The following KCNH1 variants were observed in gnomAD, a reference collection of about 807,000 sequenced individuals.
The protein encoded by KCNH1 is potassium voltage-gated channel subfamily H member 1, also known as voltage-gated delayed rectifier potassium channel KCNH1.
Under a neutral mutation model 69.2 loss-of-function variants are expected in KCNH1, and 27 were observed. The ratio of observed to expected loss-of-function variants is 0.39; its 90% CI spans 0.29 to 0.54. The LOEUF (loss-of-function observed/expected upper bound fraction) is 0.54. KCNH1 is among the 20% of genes least tolerant of loss of function. KCNH1 has a pLI of 0.68. For missense variants in KCNH1, 798 were observed against 1,261.6 expected (o/e 0.63, Z 5.57); for synonymous variants, 456 against 487.7 (o/e 0.93, Z 0.86).
intron 7 of KCNH1, among the ~76,000 whole-genome samples, chr1:210,874,764 C>A (rs1436059784): frequency 6.6e-6 from 1 of 152,060 alleles, no homozygotes; most frequent in Non-Finnish European, 1.5e-5. Context: ...TGCCAAAGAT[C>A]ATAGTGTTTA....
At chr1:211,009,956 A>T (rs755338602) in intron 6 of KCNH1, among the ~76,000 whole-genome samples, 9 of 152,188 alleles carry the variant, frequency 5.9e-5, no homozygotes, top group Non-Finnish European at 7.3e-5. Flanking sequence ...AAGAAGCAAG[A>T]GGATCAGGGG....
intron 6 of KCNH1, among the ~76,000 whole-genome samples, chr1:211,007,759 G>T (rs1689312370): frequency 6.6e-6 from 1 of 152,132 alleles, no homozygotes; most frequent in Non-Finnish European, 1.5e-5. Flanking sequence ...ATGTGCCATT[G>T]CCTACATTTA....
chr1:211,072,969 T>C (rs1339936518), intron 5 of KCNH1, among the ~76,000 whole-genome samples: 1 of 152,192 alleles, frequency 6.6e-6, no homozygotes, highest in Admixed American at 6.5e-5. Context: ...CAACTATATG[T>C]CGTCTACAGA....
At chr1:210,687,471 C>A (rs2149003135) in intron 10 of KCNH1, among the ~76,000 whole-genome samples, 1 of 152,322 alleles carries the variant, frequency 6.6e-6, no homozygotes, top group Non-Finnish European at 1.5e-5. Flanking sequence ...CCTCCATCAT[C>A]CTGTGTGCTA....
chr1:211,101,635 T>C (rs1346058255), intron 3 of KCNH1, among the ~76,000 whole-genome samples: 1 of 152,154 alleles, frequency 6.6e-6, no homozygotes, highest in Non-Finnish European at 1.5e-5. Context: ...TGGTTTCCAC[T>C]TCCCCCTAAG....
chr1:211,023,223 T>C lies in KCNH1; in HGVS notation c.559-3967A>G, dbSNP rs1689622837. ...TTATTACATACTTTTGTTGGGGATG[T>C]AAATTAATATAGCAGTTATGCAAAA... On this transcript the variant is annotated intron_variant, in intron 5 of 10. Coordinates refer to ENST00000271751, the MANE Select transcript of KCNH1 (RefSeq NM_172362.3). Among the ~76,000 whole-genome samples, 3 of 151,788 alleles carry C rather than the reference T, an allele frequency of 2.0e-5. No individual in the cohort carries two copies. In the South Asian group the frequency reaches 6.2e-4, roughly 31 times the overall value.
At chr1:211,014,435 GAATGACGCA>G (rs1396523468) in intron 6 of KCNH1, among the ~76,000 whole-genome samples, 1 of 152,176 alleles carries the variant, frequency 6.6e-6, no homozygotes, top group Non-Finnish European at 1.5e-5. Context: ...ACAGACCGGA[GAATGACGCA>G]AATGTAGCCC....
rs192816245 is a variant in KCNH1 at position 210,875,814 on chromosome 1, A to T, written c.1462+43826T>A. Among the ~76,000 whole-genome samples, 353 of 152,224 alleles carry T rather than the reference A, an allele frequency of 2.3e-3. 1 individual carries two copies. Among genetic ancestry groups the T allele is most frequent in the African/African-American group, 4.5e-3 (185 of 41,552 alleles). ...CAAGACACTTTCTCAAAAAAAAAAA[A>T]AAATAAATCAATAGCATTACTCTGA... is the stretch of plus-strand genomic sequence containing the variant. On this transcript the variant is annotated intron_variant, in intron 7 of 10. Transcript: ENST00000271751.
intron 6 of KCNH1, among the ~76,000 whole-genome samples, chr1:210,926,619 A>T (rs141182420): frequency 6.6e-6 from 1 of 152,142 alleles, no homozygotes; most frequent in African/African-American, 2.4e-5. Context: ...ATGAGAAGGA[A>T]CCAGAAAAAC....
At chr1:211,129,804 T>C (rs2102505036) in intron 1 of KCNH1, among the ~76,000 whole-genome samples, 1 of 152,318 alleles carries the variant, frequency 6.6e-6, no homozygotes, top group African/African-American at 2.4e-5. Flanking sequence ...CTGAACCAAC[T>C]TAACACTATA....
chr1:210,940,524 C>G, intron 6 of KCNH1, among the ~76,000 whole-genome samples: 1 of 152,296 alleles, frequency 6.6e-6, no homozygotes, highest in East Asian at 1.9e-4. Flanking sequence ...TTTGTTTAAT[C>G]CAATAATGTA....
chr1:211,115,018 G>C (rs780384966), intron 1 of KCNH1, among the ~76,000 whole-genome samples: 29 of 151,938 alleles, frequency 1.9e-4, no homozygotes, highest in Non-Finnish European at 2.2e-4. Flanking sequence ...GCCCAGGCTA[G>C]AGTGCAGTGG....
chr1:210,974,943 A>G (rs567864381), intron 6 of KCNH1, among the ~76,000 whole-genome samples: 1 of 152,158 alleles, frequency 6.6e-6, no homozygotes, highest in Non-Finnish European at 1.5e-5. Flanking sequence ...CATTACTATT[A>G]TTATTATTGC....
At chr1:210,798,874 C>T (rs1684376095) in intron 8 of KCNH1, among the ~76,000 whole-genome samples, 1 of 152,120 alleles carries the variant, frequency 6.6e-6, no homozygotes, top group Non-Finnish European at 1.5e-5. Flanking sequence ...ATTTACTAAG[C>T]ACTTGCTGAG....
At chr1:210,738,444 C>G (rs1046064919) in intron 10 of KCNH1, among the ~76,000 whole-genome samples, 2 of 151,172 alleles carry the variant, frequency 1.3e-5, no homozygotes, top group Admixed American at 1.3e-4. Flanking sequence ...TCGATGTTCT[C>G]TTCTGGGTCT....
chr1:210,864,765 G>C (rs1004950398), intron 7 of KCNH1, among the ~76,000 whole-genome samples: 1 of 152,192 alleles, frequency 6.6e-6, no homozygotes, highest in African/African-American at 2.4e-5. Context: ...AGGCCCAGCA[G>C]GATGGCTTGT....
At chr1:211,078,588 G>A (rs776677023) in intron 5 of KCNH1, among the ~76,000 whole-genome samples, 131 of 152,194 alleles carry the variant, frequency 8.6e-4, no homozygotes, top group Non-Finnish European at 1.5e-3. Context: ...AAGACACAAC[G>A]TACCAGAATC....
chr1:210,966,461 G>A (rs1177630947), intron 6 of KCNH1, among the ~76,000 whole-genome samples: 1 of 152,192 alleles, frequency 6.6e-6, no homozygotes, highest in East Asian at 1.9e-4. Flanking sequence ...TACAGAATGG[G>A]AGAAAATTTT....
chr1:211,045,041 G>GATATATATATATATATATATACATAT lies in KCNH1; in HGVS notation c.559-25786_559-25785insATATGTATATATATATATATATATAT, dbSNP rs71134652. On this transcript the variant is annotated intron_variant, in intron 5 of 10. Coordinates refer to ENST00000271751, the MANE Select transcript of KCNH1 (RefSeq NM_172362.3). ...ATCAATGTGTGGATAAATTGTGGGG[G>GATATATATATATATATATATACATAT]ATATATATATATATATATGAATAAT... 3.7e-5 allele frequency among the ~76,000 whole-genome samples: 3 copies of GATATATATATATATATATATACATAT among 81,718 alleles called. 1 individual carries two copies. Among genetic ancestry groups the GATATATATATATATATATATACATAT allele is most frequent in the Non-Finnish European group, 7.8e-5 (3 of 38,286 alleles). The allele number at this position is 81,718 out of a possible 152,430, so 53.6% of individuals were successfully genotyped here. A position where few individuals can be genotyped will look rare whatever the true frequency, so the allele number is the denominator to read the frequency against.
Sources: gnomAD v4.1 joint callset for allele counts (sites outside exome capture counted in the v4.1 genomes callset) on GRCh38, gnomAD v4.1.1 for gene constraint, MANE v1.5 for transcripts, NCBI Gene and HGNC (gene_info 2026-07-23, HGNC 2026-07-21) for gene names.